SOS1: variants seen among roughly 807,000 people sequenced by gnomAD.
The protein encoded by SOS1 is son of sevenless homolog 1.
A neutral mutation model predicts 157.6 loss-of-function variants in SOS1; 25 were observed. That is an observed-to-expected ratio of 0.16 (90% confidence interval 0.12 to 0.22). The LOEUF (loss-of-function observed/expected upper bound fraction) is 0.22, where lower values mean the gene tolerates loss of function less well. Ranked by LOEUF, SOS1 falls within the 10% of genes least tolerant of loss-of-function variation. The probability of loss-of-function intolerance (pLI) is 1.00; values close to 1 mark genes in which losing one functional copy is unlikely to be tolerated. For synonymous variants in SOS1, 528 were observed against 534.0 expected (o/e 0.99, Z 0.16); for missense variants, 1,237 against 1,599.1 (o/e 0.77, Z 3.86).
At position 39,067,736 on chromosome 2, in the gene SOS1, A is replaced by G. The variant is rs756556282; in HGVS notation, c.105T>C (p.His35=). 1.9e-6 allele frequency: 3 copies of G among 1,612,928 alleles called. No individual in the cohort carries two copies. The highest frequency in any genetic ancestry group is 1.1e-5 in the South Asian group (1 of 91,070). The part of the protein sequence containing the change: ...PALKKVQGQV[H]PTLESNDDAL... ...CATCATCATTAGACTCGAGAGTAGG[A>G]TGAACTTGCCCCTGGACCTATAAAC... Residue 35 remains histidine, a synonymous_variant, in exon 2 of 23, where the codon CAT becomes CAC. Coordinates refer to ENST00000402219, the MANE Select transcript of SOS1 (RefSeq NM_005633.4).
At chr2:39,116,718 G>A (rs1355898759) in intron 1 of SOS1, among the ~76,000 whole-genome samples, 1 of 152,100 alleles carries the variant, frequency 6.6e-6, no homozygotes, top group Non-Finnish European at 1.5e-5. Flanking sequence ...AAAATTATCT[G>A]GATGTGGCAG....
At chr2:39,044,796 G>C (rs543524824) in intron 6 of SOS1, among the ~76,000 whole-genome samples, 2 of 152,066 alleles carry the variant, frequency 1.3e-5, no homozygotes, top group South Asian at 2.1e-4. Flanking sequence ...GTATCTGCAG[G>C]GAGTCCTAGA....
intron 10 of SOS1, among the ~76,000 whole-genome samples, chr2:39,015,835 G>A (rs1031040287): frequency 9.6e-5 from 14 of 146,418 alleles, no homozygotes; most frequent in Non-Finnish European, 2.1e-4. Context: ...TTAAGGAGGG[G>A]AAAGTTCAGT....
At position 39,042,989 on chromosome 2, in the gene SOS1, C is replaced by G. The variant is rs1670626050; in HGVS notation, c.865-7489G>C. Among the ~76,000 whole-genome samples the G allele has an allele frequency of 3.9e-5, 6 of 152,168 alleles. No individual in the cohort carries two copies. In the South Asian group the frequency reaches 1.0e-3, roughly 26 times the overall value. ...TTGACTACAAATAGGACAACTTTGTCTTGTCTATTCCTTTTCTGTCTTTTT... is the reference window on the plus strand; with the variant it reads ...TTGACTACAAATAGGACAACTTTGTGTTGTCTATTCCTTTTCTGTCTTTTT... On this transcript the variant is annotated intron_variant, in intron 6 of 22. Coordinates refer to ENST00000402219, the MANE Select transcript of SOS1 (RefSeq NM_005633.4).
intron 1 of SOS1, among the ~76,000 whole-genome samples, chr2:39,080,355 G>A (rs1420513243): frequency 6.6e-6 from 1 of 152,114 alleles, no homozygotes; most frequent in Admixed American, 6.6e-5. Flanking sequence ...GTGAGTGGCT[G>A]TAAATACAGA....
chr2:39,060,048 A>T (rs528053589), intron 2 of SOS1, among the ~76,000 whole-genome samples: 32 of 152,290 alleles, frequency 2.1e-4, no homozygotes, highest in Admixed American at 2.0e-3. Flanking sequence ...AAGGGAGAAA[A>T]GGGAAGGGGT....
rs757035072 is a variant in SOS1, at chr2:39,024,179, T to C, written c.1075-42A>G. On this transcript the variant is annotated intron_variant, in intron 8 of 22. Transcript: ENST00000402219. ...ACAAATCTGAACCAGTAGTACATTT[T>C]TGGATAAAATAATAATAAACTCATT... 6 of 1,530,858 alleles carry C rather than the reference T, an allele frequency of 3.9e-6. No individual in the cohort carries two copies. The Admixed American group carries it at 6.7e-5, about 17-fold the overall frequency. The allele number at this position is 1,530,858 out of a possible 1,614,324, so 94.8% of individuals were successfully genotyped here.
chr2:39,079,606 T>C lies in SOS1; in HGVS notation c.88-11853A>G, dbSNP rs775208961. On this transcript the variant is annotated intron_variant, in intron 1 of 22. Coordinates refer to ENST00000402219, the MANE Select transcript of SOS1 (RefSeq NM_005633.4). ...ACCTCCTGGGTTCAAGCAATTCTCC[T>C]GCCTCAGCCTCCTCAGTAGCTGGGA... Among the ~76,000 whole-genome samples, 9 of 149,778 alleles carry C rather than the reference T, an allele frequency of 6.0e-5. 1 individual carries two copies. Among genetic ancestry groups the C allele is most frequent in the Admixed American group, 4.0e-4 (6 of 14,934 alleles).
At chr2:39,076,558 T>G (rs564712380) in intron 1 of SOS1, among the ~76,000 whole-genome samples, 3 of 152,174 alleles carry the variant, frequency 2.0e-5, no homozygotes, top group Non-Finnish European at 4.4e-5. Context: ...AAAATGACAA[T>G]AGATGCAGAA....
At chr2:39,009,165 T>C (rs1257543083) in intron 15 of SOS1, among the ~76,000 whole-genome samples, 1 of 150,382 alleles carries the variant, frequency 6.6e-6, no homozygotes. Context: ...ATAGAAACTA[T>C]AAAAAGGAAC....
intron 8 of SOS1, among the ~76,000 whole-genome samples, chr2:39,026,303 C>T (rs992499121): frequency 6.7e-6 from 1 of 149,878 alleles, no homozygotes. Context: ...TGCAGTGAGC[C>T]GTGATCGTGC....
chr2:39,030,532 T>C (rs1330209507), intron 8 of SOS1, among the ~76,000 whole-genome samples: 4 of 152,120 alleles, frequency 2.6e-5, no homozygotes, highest in Non-Finnish European at 4.4e-5. Context: ...ATCATACCAC[T>C]GCGCTCCAGC....
chr2:38,982,484 G>A lies in SOS1; in HGVS notation c.*3340C>T, dbSNP rs1668433436. On this transcript the variant is annotated 3_prime_UTR_variant, in exon 23 of 23. Coordinates refer to ENST00000402219, the MANE Select transcript of SOS1 (RefSeq NM_005633.4). ...GCCAAACCAATATTAACCTTGTGATGTTTAGTTACTGGTAAAGATTAATGC... is the reference window on the plus strand; with the variant it reads ...GCCAAACCAATATTAACCTTGTGATATTTAGTTACTGGTAAAGATTAATGC... 1 of 152,096 alleles carries A rather than the reference G, an allele frequency of 6.6e-6. No individual in the cohort carries two copies. The highest frequency in any genetic ancestry group is 2.1e-4 in the South Asian group (1 of 4,822). The allele number at this position is 152,096 out of a possible 1,614,324, so 9.4% of individuals were successfully genotyped here. A position where few individuals can be genotyped will look rare whatever the true frequency, so the allele number is the denominator to read the frequency against.
intron 1 of SOS1, among the ~76,000 whole-genome samples, chr2:39,112,911 C>T (rs770653200): frequency 1.3e-5 from 2 of 151,942 alleles, no homozygotes; most frequent in Admixed American, 6.6e-5. Flanking sequence ...TGATGGAGTG[C>T]GCCTGTAATC....
intron 6 of SOS1, among the ~76,000 whole-genome samples, chr2:39,042,810 T>A (rs1239444894): frequency 6.6e-6 from 1 of 151,850 alleles, no homozygotes; most frequent in Non-Finnish European, 1.5e-5. Flanking sequence ...GTGAATGCAG[T>A]CTTTAAAAAT....
intron 5 of SOS1, among the ~76,000 whole-genome samples, chr2:39,051,805 C>G (rs1005177957): frequency 3.3e-5 from 5 of 152,106 alleles, no homozygotes; most frequent in Non-Finnish European, 7.4e-5. Flanking sequence ...ATTTTCATAT[C>G]TATTTCTGCA....
chr2:39,113,436 C>T lies in SOS1; in HGVS notation c.87+6900G>A, dbSNP rs148840177. On this transcript the variant is annotated intron_variant, in intron 1 of 22. Transcript: ENST00000402219. ...TGTTCTCAAACTCCTCCTGCCTTGG[C>T]CTCCCAAAGTGTTGGCGTCAATAGC... is the stretch of plus-strand genomic sequence containing the variant. Among the ~76,000 whole-genome samples, 1,066 of 151,592 alleles carry T rather than the reference C, an allele frequency of 7.0e-3. 7 individuals carry two copies. Among genetic ancestry groups the T allele is most frequent in the Middle Eastern group, 0.014 (4 of 292 alleles).
intron 20 of SOS1, among the ~76,000 whole-genome samples, chr2:38,994,171 T>G (rs960838502): frequency 3.9e-5 from 6 of 152,198 alleles, no homozygotes; most frequent in Admixed American, 6.5e-5. Flanking sequence ...CAATCATAAA[T>G]TTTTATATTG....
At position 39,003,066 on chromosome 2, in the gene SOS1, C is replaced by CAAAA. The variant is rs57338404; in HGVS notation, c.2791+3342_2791+3345dup. The stretch of plus-strand genomic sequence containing the variant: ...TGGGTGATAAAGTGAGACCTTGTAT[C>CAAAA]AAAAAAAAAAAAGAACGTAGGGGTA... On this transcript the variant is annotated intron_variant, in intron 17 of 22. Transcript: ENST00000402219. 3.6e-3 allele frequency among the ~76,000 whole-genome samples: 262 copies of CAAAA among 72,310 alleles called. 7 individuals carry two copies. The highest frequency in any genetic ancestry group is 9.9e-3 in the African/African-American group (248 of 25,110). The allele number at this position is 72,310 out of a possible 152,430, so 47.4% of individuals were successfully genotyped here.
Sources: gnomAD v4.1 joint callset for allele counts (sites outside exome capture counted in the v4.1 genomes callset) on GRCh38, gnomAD v4.1.1 for gene constraint, MANE v1.5 for transcripts, NCBI Gene and HGNC (gene_info 2026-07-23, HGNC 2026-07-21) for gene names.